The following ACVR1 variants were observed in gnomAD, a reference collection of about 807,000 sequenced individuals.
ACVR1 encodes activin A receptor type 1.
A neutral mutation model predicts 57.1 loss-of-function variants in ACVR1; 38 were observed. The observed-to-expected ratio is 0.67, with a 90% CI of 0.51 to 0.87. The LOEUF is 0.87. Among genes scored for constraint, ACVR1 ranks in the 40% least tolerant of loss-of-function variants. The probability of loss-of-function intolerance (pLI) is 0.00; values close to 1 mark genes in which losing one functional copy is unlikely to be tolerated. For missense variants in ACVR1, 463 were observed against 638.2 expected, an observed-to-expected ratio of 0.73 and a Z score of 2.96; for synonymous variants, 212 against 228.1, an observed-to-expected ratio of 0.93 and a Z score of 0.63.
intron 9 of ACVR1, among the ~76,000 whole-genome samples, chr2:157,746,294 T>C (rs1462497209): frequency 6.6e-6 from 1 of 152,242 alleles, no homozygotes; most frequent in Non-Finnish European, 1.5e-5. Context: ...TACGATCTCA[T>C]TTAATCACCA....
At chr2:157,844,359 C>G (rs1322884826) in intron 1 of ACVR1, among the ~76,000 whole-genome samples, 1 of 152,152 alleles carries the variant, frequency 6.6e-6, no homozygotes, top group Non-Finnish European at 1.5e-5. Flanking sequence ...CCTGTCCCCA[C>G]TGGGTTTGCT....
chr2:157,786,624 T>A (rs1256216786), intron 3 of ACVR1, among the ~76,000 whole-genome samples: 3 of 152,222 alleles, frequency 2.0e-5, no homozygotes, highest in Non-Finnish European at 4.4e-5. Context: ...TGTTTGCTTG[T>A]TAATTTGTTA....
chr2:157,850,396 A>G (rs1315063598), intron 1 of ACVR1, among the ~76,000 whole-genome samples: 1 of 152,052 alleles, frequency 6.6e-6, no homozygotes, highest in African/African-American at 2.4e-5. Context: ...CTCAAAAAAA[A>G]AAAAAGAGGG....
intron 1 of ACVR1, among the ~76,000 whole-genome samples, chr2:157,843,238 A>G (rs2105357292): frequency 6.6e-6 from 1 of 152,346 alleles, no homozygotes; most frequent in East Asian, 1.9e-4. Context: ...AGTAACTGAC[A>G]TATTCAATAC....
At chr2:157,820,622 C>T (rs577328670) in intron 1 of ACVR1, among the ~76,000 whole-genome samples, 1 of 151,344 alleles carries the variant, frequency 6.6e-6, no homozygotes, top group Non-Finnish European at 1.5e-5. Context: ...TGCCATCCAA[C>T]ATCCCAGCCC....
intron 2 of ACVR1, among the ~76,000 whole-genome samples, chr2:157,804,672 C>T (rs1309167702): frequency 6.6e-6 from 1 of 152,154 alleles, no homozygotes; most frequent in African/African-American, 2.4e-5. Context: ...CAAGAAAAAT[C>T]GCTATTCAGA....
intron 1 of ACVR1, among the ~76,000 whole-genome samples, chr2:157,868,239 C>G (rs1690005573): frequency 1.3e-5 from 2 of 151,920 alleles, no homozygotes; most frequent in Non-Finnish European, 2.9e-5. Flanking sequence ...AATCCCAGCA[C>G]TCTGGGAGGC....
At chr2:157,854,191 T>C (rs1243808846) in intron 1 of ACVR1, among the ~76,000 whole-genome samples, 2 of 132,178 alleles carry the variant, frequency 1.5e-5, no homozygotes, top group African/African-American at 3.1e-5. Flanking sequence ...AATCAGACCC[T>C]AAAGGAGTAA....
chr2:157,790,922 A>C (rs1291385805), intron 3 of ACVR1, among the ~76,000 whole-genome samples: 1 of 152,228 alleles, frequency 6.6e-6, no homozygotes, highest in African/African-American at 2.4e-5. Context: ...CCATGCCTGC[A>C]GGGCTCAACT....
At chr2:157,830,622 C>A (rs1252443524) in intron 1 of ACVR1, among the ~76,000 whole-genome samples, 1 of 149,246 alleles carries the variant, frequency 6.7e-6, no homozygotes, top group Non-Finnish European at 1.5e-5. Context: ...TATATACACA[C>A]AGAGAGAGAA....
intron 9 of ACVR1, among the ~76,000 whole-genome samples, chr2:157,744,910 T>C (rs1049188420): frequency 1.6e-4 from 24 of 152,218 alleles, no homozygotes; most frequent in African/African-American, 5.3e-4. Flanking sequence ...CTGTAACTCA[T>C]GGCAGGCACT....
At chr2:157,764,500 G>A (rs1412117543) in intron 8 of ACVR1, among the ~76,000 whole-genome samples, 1 of 151,370 alleles carries the variant, frequency 6.6e-6, no homozygotes, top group Admixed American at 6.6e-5. Context: ...GAGCCACCGC[G>A]CCCGGCCACG....
rs140902295 is a variant in ACVR1, at chr2:157,804,575, A to G, written c.-7-5075T>C. On this transcript the variant is annotated intron_variant, in intron 2 of 10. Coordinates refer to ENST00000434821, the MANE Select transcript of ACVR1 (RefSeq NM_001111067.4). ...TATTATCTGAAGGGTTCAGAGTATGAATCCGTGCCTCTCGTGTACGCACAT... is the reference window on the plus strand; with the variant it reads ...TATTATCTGAAGGGTTCAGAGTATGGATCCGTGCCTCTCGTGTACGCACAT... Among the ~76,000 whole-genome samples, 12 of 152,330 alleles carry G rather than the reference A, an allele frequency of 7.9e-5. No homozygotes were observed. In the East Asian group the frequency reaches 2.3e-3, roughly 29 times the overall value.
intron 2 of ACVR1, among the ~76,000 whole-genome samples, chr2:157,807,933 T>C (rs907275800): frequency 6.8e-6 from 1 of 147,730 alleles, no homozygotes; most frequent in African/African-American, 2.5e-5. Context: ...TCTCTCTCTC[T>C]CCCTCTCTCT....
Position 157,736,671 on chromosome 2 carries a change from C to A in ACVR1, c.*860G>T. ...GTGTCACGTGGGTAATGGCTAAATA[C>A]GTTCTGCATATGAACTGAAAAAAAG... On this transcript the variant is annotated 3_prime_UTR_variant, in exon 11 of 11. Coordinates refer to ENST00000434821, the MANE Select transcript of ACVR1 (RefSeq NM_001111067.4). 3.1e-6 allele frequency: 1 copy of A among 322,012 alleles called. No homozygotes were observed. Among genetic ancestry groups the A allele is most frequent in the Non-Finnish European group, 5.7e-6 (1 of 174,612 alleles). 19.9% of individuals were successfully genotyped at this position (322,012 alleles called of 1,614,324 possible).
chr2:157,758,947 T>G lies in ACVR1; in HGVS notation c.1264+1933A>C, dbSNP rs73022043. Among the ~76,000 whole-genome samples the G allele has an allele frequency of 5.9e-3, 898 of 151,866 alleles. 5 individuals are homozygous for G. The highest frequency in any genetic ancestry group is 0.02 in the African/African-American group (829 of 41,476). On this transcript the variant is annotated intron_variant, in intron 9 of 10. Transcript: ENST00000434821. ...AAATAAAAAAAATTCTTGAAACAAATAAAAACGGAAACATAACATACCAAA... is the reference window on the plus strand; with the variant it reads ...AAATAAAAAAAATTCTTGAAACAAAGAAAAACGGAAACATAACATACCAAA...
intron 1 of ACVR1, among the ~76,000 whole-genome samples, chr2:157,856,852 C>T (rs986338671): frequency 2.6e-5 from 4 of 152,140 alleles, no homozygotes; most frequent in South Asian, 2.1e-4. Flanking sequence ...GATACTGAGA[C>T]GCAAGTTCAA....
At chr2:157,752,893 T>C (rs1360487984) in intron 9 of ACVR1, among the ~76,000 whole-genome samples, 1 of 152,054 alleles carries the variant, frequency 6.6e-6, no homozygotes, top group African/African-American at 2.4e-5. Flanking sequence ...ATACCATAAA[T>C]ACATTTTGAA....
chr2:157,795,328 T>G (rs928730038), intron 3 of ACVR1, among the ~76,000 whole-genome samples: 1 of 151,472 alleles, frequency 6.6e-6, no homozygotes, highest in Non-Finnish European at 1.5e-5. Context: ...TTCTCTTTGG[T>G]TTTTAAAATT....
Sources: gnomAD v4.1 joint callset for allele counts (sites outside exome capture counted in the v4.1 genomes callset) on GRCh38, gnomAD v4.1.1 for gene constraint, MANE v1.5 for transcripts, NCBI Gene and HGNC (gene_info 2026-07-23, HGNC 2026-07-21) for gene names.